B3GALT1: variants seen among roughly 807,000 people sequenced by gnomAD.
B3GALT1 encodes the protein beta-1,3-galactosyltransferase 1, also known as UDP-Gal:betaGlcNAc beta 1,3-galactosyltransferase, polypeptide 1.
Under a neutral mutation model 23.2 loss-of-function variants are expected in B3GALT1, and 10 were observed. The ratio of observed to expected loss-of-function variants is 0.43; its 90% CI spans 0.27 to 0.73. The LOEUF is 0.73. Among genes scored for constraint, B3GALT1 ranks in the 30% least tolerant of loss-of-function variants. The pLI is 0.21. For synonymous variants in B3GALT1, 156 were observed against 141.5 expected (o/e 1.10, Z -0.73); for missense variants, 299 against 405.4 (o/e 0.74, Z 2.25).
At chr2:167,818,001 G>T (rs1158006336) in intron 3 of B3GALT1, among the ~76,000 whole-genome samples, 1 of 152,114 alleles carries the variant, frequency 6.6e-6, no homozygotes, top group African/African-American at 2.4e-5. Flanking sequence ...TGCCGTGAAT[G>T]AACCAAATGT....
At chr2:167,594,745 TCTATTAAAAAATTAGC>T (rs1201340630) in intron 2 of B3GALT1, among the ~76,000 whole-genome samples, 4 of 152,034 alleles carry the variant, frequency 2.6e-5, no homozygotes, top group African/African-American at 4.8e-5. Context: ...AAACCCCGTC[TCTATTAAAAAATTAGC>T]TGAGTGCGGT....
At chr2:167,649,739 C>T (rs1217302435) in intron 3 of B3GALT1, among the ~76,000 whole-genome samples, 1 of 151,974 alleles carries the variant, frequency 6.6e-6, no homozygotes, top group Non-Finnish European at 1.5e-5. Context: ...TACTGAAATA[C>T]AATTGTTTTT....
intron 1 of B3GALT1, among the ~76,000 whole-genome samples, chr2:167,357,371 T>TA (rs1164480155): frequency 6.6e-6 from 1 of 152,042 alleles, no homozygotes; most frequent in African/African-American, 2.4e-5. Flanking sequence ...TAATTAATTT[T>TA]AAAAAATATT....
At chr2:167,444,483 A>G (rs1341318677) in intron 1 of B3GALT1, among the ~76,000 whole-genome samples, 2 of 152,206 alleles carry the variant, frequency 1.3e-5, no homozygotes, top group East Asian at 1.9e-4. Context: ...TTTGGCTGTG[A>G]ATCCATCTGG....
chr2:167,690,626 A>G (rs1686697245), intron 3 of B3GALT1, among the ~76,000 whole-genome samples: 1 of 152,136 alleles, frequency 6.6e-6, no homozygotes, highest in Non-Finnish European at 1.5e-5. Context: ...GTCTTATTTG[A>G]TACCTTCGGC....
In B3GALT1 at chr2:167,797,267, G is replaced by A. The variant is rs552159205; in HGVS notation, c.-351-21405G>A. Among the ~76,000 whole-genome samples the A allele has an allele frequency of 2.6e-5, 4 of 152,252 alleles. No homozygotes were observed. The South Asian group carries it at 6.2e-4, about 24-fold the overall frequency. ...CCTGCATGAGTTTGCTGAAGATAACGACTTCCAGCTCCATCCATGTTTCTG... is the reference window on the plus strand; with the variant it reads ...CCTGCATGAGTTTGCTGAAGATAACAACTTCCAGCTCCATCCATGTTTCTG... On this transcript the variant is annotated intron_variant, in intron 3 of 4. Coordinates refer to ENST00000392690, the MANE Select transcript of B3GALT1 (RefSeq NM_020981.4).
At chr2:167,833,683 A>C (rs1187672088) in intron 4 of B3GALT1, among the ~76,000 whole-genome samples, 1 of 152,242 alleles carries the variant, frequency 6.6e-6, no homozygotes, top group African/African-American at 2.4e-5. Context: ...AAACATAGTT[A>C]CTATAAAAAG....
chr2:167,668,208 C>T (rs1686244790), intron 3 of B3GALT1, among the ~76,000 whole-genome samples: 1 of 151,698 alleles, frequency 6.6e-6, no homozygotes, highest in Non-Finnish European at 1.5e-5. Context: ...GAATACCCGA[C>T]CGCGTGAGGT....
Position 167,490,567 on chromosome 2 carries a change from T to C in B3GALT1, c.-410+290T>C, listed in dbSNP as rs776270824. On this transcript the variant is annotated intron_variant, in intron 2 of 4. Transcript: ENST00000392690. ...TTAGCAGAGATTGCAAGGTGTTTTG[T>C]CAGGCTTCTTGCCATGACACACATG... 4.5e-4 allele frequency among the ~76,000 whole-genome samples: 68 copies of C among 152,234 alleles called. 1 individual carries two copies. Among genetic ancestry groups the C allele is most frequent in the Non-Finnish European group, 7.3e-5 (5 of 68,048 alleles).
At chr2:167,395,116 T>G (rs1698075099) in intron 1 of B3GALT1, among the ~76,000 whole-genome samples, 1 of 152,140 alleles carries the variant, frequency 6.6e-6, no homozygotes, top group Non-Finnish European at 1.5e-5. Context: ...GTTGAGACTT[T>G]AAGGGGTAGG....
chr2:167,692,902 C>T (rs1686736634), intron 3 of B3GALT1, among the ~76,000 whole-genome samples: 1 of 151,982 alleles, frequency 6.6e-6, no homozygotes, highest in Non-Finnish European at 1.5e-5. Flanking sequence ...ATGAGATGGG[C>T]TCTTCTTTCA....
At chr2:167,760,346 T>C (rs1248503462) in intron 3 of B3GALT1, among the ~76,000 whole-genome samples, 1 of 152,204 alleles carries the variant, frequency 6.6e-6, no homozygotes, top group Non-Finnish European at 1.5e-5. Context: ...AGAATTATGA[T>C]GGCAGTGAAT....
At chr2:167,396,099 A>G (rs1397245158) in intron 1 of B3GALT1, among the ~76,000 whole-genome samples, 1 of 152,142 alleles carries the variant, frequency 6.6e-6, no homozygotes, top group African/African-American at 2.4e-5. Flanking sequence ...CTGCTGAGAC[A>G]AAAGATACAC....
intron 4 of B3GALT1, among the ~76,000 whole-genome samples, chr2:167,842,917 C>G (rs1240235341): frequency 1.3e-5 from 2 of 152,102 alleles, no homozygotes; most frequent in Non-Finnish European, 2.9e-5. Flanking sequence ...CCAAGGCTGG[C>G]ATTAAGTGCC....
At position 167,564,285 on chromosome 2, in the gene B3GALT1, C is replaced by T. The variant is rs545515940; in HGVS notation, c.-410+74008C>T. ...CGATGGGCGGCCGGGCAGAGACGCT[C>T]CCCCCCTCCCAGATGTGATGGCGGC... On this transcript the variant is annotated intron_variant, in intron 2 of 4. Coordinates refer to ENST00000392690, the MANE Select transcript of B3GALT1 (RefSeq NM_020981.4). 5.3e-5 allele frequency among the ~76,000 whole-genome samples: 8 copies of T among 151,384 alleles called. No individual in the cohort carries two copies. In the South Asian group the frequency reaches 1.7e-3, roughly 32 times the overall value.
intron 3 of B3GALT1, among the ~76,000 whole-genome samples, chr2:167,668,539 C>T (rs530086930): frequency 1.5e-3 from 236 of 152,280 alleles, no homozygotes; most frequent in African/African-American, 5.2e-3. Flanking sequence ...GCGGGCACCC[C>T]TCCCCCAGCC....
chr2:167,337,419 A>C (rs1697077326), intron 1 of B3GALT1, among the ~76,000 whole-genome samples: 1 of 151,898 alleles, frequency 6.6e-6, no homozygotes, highest in African/African-American at 2.4e-5. Context: ...CCACAATAAA[A>C]CTTTTCCCCA....
At chr2:167,447,085 G>C (rs1699010079) in intron 1 of B3GALT1, among the ~76,000 whole-genome samples, 1 of 152,214 alleles carries the variant, frequency 6.6e-6, no homozygotes, top group Non-Finnish European at 1.5e-5. Context: ...CTAACAGTCA[G>C]GACCATCAGC....
intron 3 of B3GALT1, among the ~76,000 whole-genome samples, chr2:167,751,073 G>A (rs959563269): frequency 4.6e-5 from 7 of 152,298 alleles, no homozygotes; most frequent in Non-Finnish European, 7.4e-5. Flanking sequence ...AAATGAATGA[G>A]CTTGGCTGAG....
Sources: gnomAD v4.1 joint callset for allele counts (sites outside exome capture counted in the v4.1 genomes callset) on GRCh38, gnomAD v4.1.1 for gene constraint, MANE v1.5 for transcripts, NCBI Gene and HGNC (gene_info 2026-07-23, HGNC 2026-07-21) for gene names.